Variants in FHIT observed in about 807,000 individuals in gnomAD.
The protein encoded by FHIT is fragile histidine triad diadenosine triphosphatase, also known as bis(5'-adenosyl)-triphosphatase.
Under a neutral mutation model 17.9 loss-of-function variants are expected in FHIT, and 19 were observed. That is an observed-to-expected ratio of 1.06 (90% CI 0.74 to 1.56). FHIT has a LOEUF of 1.56. Ranked by LOEUF, FHIT falls within the 40% of genes most tolerant of loss-of-function variation. FHIT has a pLI of 0.00. For synonymous variants in FHIT, 81 were observed against 69.7 expected, an observed-to-expected ratio of 1.16 and a Z score of -0.81; for missense variants, 248 against 189.2, an observed-to-expected ratio of 1.31 and a Z score of -1.82.
intron 3 of FHIT, among the ~76,000 whole-genome samples, chr3:60,830,480 T>C (rs1702292510): frequency 6.6e-6 from 1 of 152,182 alleles, no homozygotes; most frequent in African/African-American, 2.4e-5. Flanking sequence ...AAGATTCTTG[T>C]AACAAAATAT....
intron 8 of FHIT, among the ~76,000 whole-genome samples, chr3:59,778,905 A>T (rs1702449943): frequency 6.6e-6 from 1 of 152,160 alleles, no homozygotes; most frequent in South Asian, 2.1e-4. Context: ...CTTCCCATGA[A>T]TCAACTAGCT....
chr3:60,709,210 T>A (rs2041452515), intron 4 of FHIT, among the ~76,000 whole-genome samples: 1 of 152,180 alleles, frequency 6.6e-6, no homozygotes. Context: ...AATAACCAAT[T>A]ACATGTAAAT....
At chr3:59,835,762 A>G (rs1701317213) in intron 8 of FHIT, among the ~76,000 whole-genome samples, 1 of 152,196 alleles carries the variant, frequency 6.6e-6, no homozygotes. Context: ...ATACCAACAC[A>G]CTTGAAGACC....
rs367745352 is a variant in FHIT at position 60,650,775 on chromosome 3, C to T, written c.-17-113796G>A. 2.0e-5 allele frequency among the ~76,000 whole-genome samples: 3 copies of T among 152,204 alleles called. No individual in the cohort carries two copies. The East Asian group carries it at 5.8e-4, about 29-fold the overall frequency. The stretch of plus-strand genomic sequence containing the variant: ...TTTTTAAGATTTTTACTTTCAGAGG[C>T]ACATAATTTAAAGTGTTTTTCTTTT... On this transcript the variant is annotated intron_variant, in intron 4 of 9. Transcript: ENST00000492590.
intron 4 of FHIT, among the ~76,000 whole-genome samples, chr3:60,817,353 G>T (rs570735806): frequency 2.5e-3 from 380 of 152,028 alleles, no homozygotes; most frequent in Non-Finnish European, 3.1e-3. Flanking sequence ...ATTCCATCTG[G>T]TGTTATCTCA....
chr3:59,969,272 C>T (rs1708069991), intron 7 of FHIT, among the ~76,000 whole-genome samples: 1 of 152,074 alleles, frequency 6.6e-6, no homozygotes, highest in African/African-American at 2.4e-5. Context: ...TTCAAAAATA[C>T]AAATTAATCA....
intron 4 of FHIT, among the ~76,000 whole-genome samples, chr3:60,692,969 C>G (rs782717374): frequency 6.6e-6 from 1 of 152,170 alleles, no homozygotes; most frequent in Non-Finnish European, 1.5e-5. Flanking sequence ...CTCTGTTTGG[C>G]CACAGCATAA....
chr3:61,222,312 G>T (rs1266023173), intron 1 of FHIT, among the ~76,000 whole-genome samples: 1 of 152,198 alleles, frequency 6.6e-6, no homozygotes, highest in Non-Finnish European at 1.5e-5. Flanking sequence ...GCCTTCCAAA[G>T]TCTTAATTAG....
intron 8 of FHIT, among the ~76,000 whole-genome samples, chr3:59,835,869 G>A (rs111924507): frequency 1.4e-4 from 22 of 152,206 alleles, no homozygotes; most frequent in African/African-American, 3.4e-4. Flanking sequence ...TTGGCCAAGC[G>A]GTACATTACT....
chr3:60,104,968 C>T (rs4679510), intron 5 of FHIT, among the ~76,000 whole-genome samples: 131,798 of 152,110 alleles, frequency 0.87, 57,831 homozygotes, highest in East Asian at 0.98. Flanking sequence ...CTTTAGTATA[C>T]TTTAAAATAA....
chr3:60,186,781 G>T (rs80245486), intron 5 of FHIT, among the ~76,000 whole-genome samples: 78 of 151,666 alleles, frequency 5.1e-4, no homozygotes, highest in Non-Finnish European at 4.7e-4. Flanking sequence ...TGCCATGCCC[G>T]CAAACTTTGT....
In FHIT at chr3:59,767,690, T is replaced by A. The variant is rs556744727; in HGVS notation, c.349-15369A>T. Among the ~76,000 whole-genome samples the A allele has an allele frequency of 2.0e-5, 3 of 152,318 alleles. No homozygotes were observed. In the South Asian group the frequency reaches 6.2e-4, roughly 32 times the overall value. ...AGTGCTTGCTGTCTGCCTGGCAATG[T>A]GCTCAGTGCCAAGTACAAACATGAT... On this transcript the variant is annotated intron_variant, in intron 8 of 9. Coordinates refer to ENST00000492590, the MANE Select transcript of FHIT (RefSeq NM_002012.4).
chr3:59,880,857 T>C (rs1363874629), intron 8 of FHIT, among the ~76,000 whole-genome samples: 4 of 152,168 alleles, frequency 2.6e-5, no homozygotes, highest in African/African-American at 7.2e-5. Context: ...CAAAACAGTA[T>C]TGTGCTCCTT....
intron 5 of FHIT, among the ~76,000 whole-genome samples, chr3:60,074,458 G>A (rs148078304): frequency 6.6e-6 from 1 of 151,986 alleles, no homozygotes; most frequent in Non-Finnish European, 1.5e-5. Context: ...AGCATCAAAA[G>A]TTCTTATCCC....
chr3:59,787,353 C>A (rs982084178), intron 8 of FHIT, among the ~76,000 whole-genome samples: 11 of 152,116 alleles, frequency 7.2e-5, no homozygotes, highest in African/African-American at 2.7e-4. Flanking sequence ...GGCCTTTAAG[C>A]ATTATTTGTT....
At chr3:60,033,285 C>G (rs1403769115) in intron 5 of FHIT, among the ~76,000 whole-genome samples, 1 of 151,952 alleles carries the variant, frequency 6.6e-6, no homozygotes, top group African/African-American at 2.4e-5. Context: ...CACCTGAGGC[C>G]AGGAGTTCAA....
intron 4 of FHIT, among the ~76,000 whole-genome samples, chr3:60,571,369 A>AAAAAC (rs1559549076): frequency 2.2e-4 from 26 of 119,816 alleles, no homozygotes; most frequent in Non-Finnish European, 3.9e-4. Context: ...AAAAAGAACA[A>AAAAAC]TGAATGACGT....
rs2038454300 is a variant in FHIT, at chr3:60,601,859, A to T, written c.-17-64880T>A. Among the ~76,000 whole-genome samples, 4 of 152,200 alleles carry T rather than the reference A, an allele frequency of 2.6e-5. No individual in the cohort carries two copies. The South Asian group carries it at 8.3e-4, about 32-fold the overall frequency. On this transcript the variant is annotated intron_variant, in intron 4 of 9. Coordinates refer to ENST00000492590, the MANE Select transcript of FHIT (RefSeq NM_002012.4). ...AACAAGGTTTTGAAAAGGAAATTCC[A>T]GAGTTAAGGAAGTACTCTGAATATA...
intron 2 of FHIT, among the ~76,000 whole-genome samples, chr3:61,061,330 AGTGCCTCT>A (rs1439973613): frequency 6.6e-6 from 1 of 152,106 alleles, no homozygotes; most frequent in African/African-American, 2.4e-5. Context: ...GTTACAGGTA[AGTGCCTCT>A]GTGTTTCTCA....
Sources: allele counts gnomAD v4.1 joint callset (sites outside exome capture counted in the v4.1 genomes callset), GRCh38; gene constraint gnomAD v4.1.1; transcripts MANE v1.5; gene names NCBI Gene and HGNC (gene_info 2026-07-23, HGNC 2026-07-21).